Variants in DAO observed in about 807,000 individuals in gnomAD.
DAO encodes D-amino-acid oxidase.
Under a neutral mutation model 50.1 loss-of-function variants are expected in DAO, and 51 were observed. The ratio of observed to expected loss-of-function variants is 1.02; its 90% CI spans 0.81 to 1.29. The LOEUF (loss-of-function observed/expected upper bound fraction) is 1.29. Ranked by LOEUF, DAO falls within the 50% of genes most tolerant of loss-of-function variation. The pLI is 0.00. For missense variants in DAO, 436 were observed against 439.4 expected, an observed-to-expected ratio of 0.99 and a Z score of 0.07; for synonymous variants, 160 against 166.2, an observed-to-expected ratio of 0.96 and a Z score of 0.29.
Position 108,900,572 on chromosome 12 carries a change from C to A in DAO, c.*37C>A. On this transcript the variant is annotated 3_prime_UTR_variant, in exon 11 of 11. Transcript: ENST00000228476. ...ACTGCTGCCTCCCCCCACAAGAACT[C>A]CCTTCTCCCCTCAGCCAATGAATCA... 6.2e-7 allele frequency: 1 copy of A among 1,611,782 alleles called. No homozygotes were observed. Among genetic ancestry groups the A allele is most frequent in the South Asian group, 1.1e-5 (1 of 90,806 alleles).
At position 108,899,312 on chromosome 12, in the gene DAO, A is replaced by G. The variant is rs916294359; in HGVS notation, c.814-65A>G. 22 of 1,152,996 alleles carry G rather than the reference A, an allele frequency of 1.9e-5. No homozygotes were observed. In the African/African-American group the frequency reaches 3.3e-4, roughly 17 times the overall value. The allele number at this position is 1,152,996 out of a possible 1,614,324, so 71.4% of individuals were successfully genotyped here. ...ATGAGATTCTAAAAGCTAACTCCCT[A>G]CTACCTAAAAATGGCAGCAGGAAAA... On this transcript the variant is annotated intron_variant, in intron 9 of 10. Coordinates refer to ENST00000228476, the MANE Select transcript of DAO (RefSeq NM_001917.5).
intron 8 of DAO, 44 bp from the exon 9 acceptor site, chr12:108,898,635 G>A: frequency 7.7e-7 from 1 of 1,302,120 alleles, no homozygotes; most frequent in Non-Finnish European, 1.1e-6. Flanking sequence ...TCATCTCAGA[G>A]CCTTCATTTT....
Position 108,882,711 on chromosome 12 carries a change from C to G in DAO, c.-9-2287C>G, listed in dbSNP as rs1170662746. Among the ~76,000 whole-genome samples, 5 of 152,274 alleles carry G rather than the reference C, an allele frequency of 3.3e-5. No individual in the cohort carries two copies. In the South Asian group the frequency reaches 8.3e-4, roughly 25 times the overall value. On this transcript the variant is annotated intron_variant, in intron 1 of 10. Transcript: ENST00000228476. ...GAGCAACTTGCCCAGGGTTACATGG[C>G]TGGTGTGTGCCCAAGTCAGGCTGCG...
intron 5 of DAO, 113 bp downstream of exon 5, chr12:108,890,386 C>T (rs997851179): frequency 1.5e-5 from 12 of 807,902 alleles, no homozygotes; most frequent in Non-Finnish European, 2.3e-5. Flanking sequence ...TGAAGAATAC[C>T]CTTAGGCCTG....
chr12:108,898,637 CT>C (rs2039587909), intron 8 of DAO, 41 bp from the exon 9 acceptor site: 3 of 1,339,038 alleles, frequency 2.2e-6, no homozygotes. Flanking sequence ...ATCTCAGAGC[CT>C]TCATTTTCCT....
intron 3 of DAO, among the ~76,000 whole-genome samples, chr12:108,888,272 A>AT (rs1343991845): frequency 6.6e-6 from 1 of 152,050 alleles, no homozygotes; most frequent in Non-Finnish European, 1.5e-5. Context: ...CTCAAGGTTC[A>AT]TTCAACCTTT....
chr12:108,884,280 A>C (rs2039410569), intron 1 of DAO, among the ~76,000 whole-genome samples: 1 of 152,202 alleles, frequency 6.6e-6, no homozygotes, highest in Non-Finnish European at 1.5e-5. Context: ...AAATTAAGTC[A>C]CAGCTGTACC....
rs1444778115 is a variant in DAO, at chr12:108,887,422, G to A, written c.195-28G>A. 2.6e-6 allele frequency: 4 copies of A among 1,556,832 alleles called. No homozygotes were observed. The East Asian group carries it at 9.0e-5, about 35-fold the overall frequency. The stretch of plus-strand genomic sequence containing the variant: ...TTTTTTGCCCAGCTCAGGGCATTGG[G>A]TGATCGAACTCTTCATGACCCTTCC... On this transcript the variant is annotated intron_variant, in intron 2 of 10. Transcript: ENST00000228476.
Position 108,885,142 on chromosome 12 carries a change from G to A in DAO, c.136G>A (p.Asp46Asn), listed in dbSNP as rs375063129. Residue 46 changes from aspartate to asparagine, a missense_variant, in exon 2 of 11, where the codon GAC (aspartate) becomes AAC (asparagine). Coordinates refer to ENST00000228476, the MANE Select transcript of DAO (RefSeq NM_001917.5). ...CCGCTTCACCCCACTCACCACCACC[G>A]ACGTGGCTGCCGGCCTCTGGCAGCC... The part of the protein sequence containing the change: ...ADRFTPLTTT[D>N]VAAGLWQPYL... The A allele has an allele frequency of 7.4e-6, 12 of 1,613,326 alleles. No homozygotes were observed. The highest frequency in any genetic ancestry group is 2.7e-5 in the African/African-American group (2 of 75,006).
At chr12:108,895,613 T>TGA (rs765739032) in intron 7 of DAO, among the ~76,000 whole-genome samples, 2 of 146,284 alleles carry the variant, frequency 1.4e-5, no homozygotes, top group Non-Finnish European at 3.0e-5. Flanking sequence ...TGTGTGTGTG[T>TGA]GAGAGTATGT....
intron 6 of DAO, 150 bp from the exon 7 acceptor site, chr12:108,894,113 G>A: frequency 1.5e-6 from 1 of 646,660 alleles, no homozygotes; most frequent in Non-Finnish European, 2.8e-6. Context: ...AAAATTTGAA[G>A]CCAGGCCCCT....
chr12:108,889,078 A>G (rs1203377505), intron 3 of DAO, among the ~76,000 whole-genome samples: 4 of 151,456 alleles, frequency 2.6e-5, no homozygotes, highest in African/African-American at 7.3e-5. Context: ...CCTTATATGC[A>G]CTTAGCATTA....
At position 108,900,383 on chromosome 12, in the gene DAO, C is replaced by G. The variant is rs762262174; in HGVS notation, c.913-21C>G. 7.4e-6 allele frequency: 12 copies of G among 1,613,528 alleles called. 2 individuals are homozygous for G. In the South Asian group the frequency reaches 1.3e-4, roughly 18 times the overall value. ...CACTGTCCCTCTCGGACCTGGCCAC[C>G]TTCTCTCTTGCCTCTCCTAGGTCAT... is the stretch of plus-strand genomic sequence containing the variant. On this transcript the variant is annotated intron_variant, in intron 10 of 10. Coordinates refer to ENST00000228476, the MANE Select transcript of DAO (RefSeq NM_001917.5).
chr12:108,886,844 T>G (rs759687881), intron 2 of DAO, among the ~76,000 whole-genome samples: 16 of 152,202 alleles, frequency 1.1e-4, no homozygotes, highest in African/African-American at 3.9e-4. Flanking sequence ...GCTCCTTCCA[T>G]CTAATGGCTC....
chr12:108,895,402 G>A (rs1417477320), intron 7 of DAO, among the ~76,000 whole-genome samples: 1 of 139,600 alleles, frequency 7.2e-6, no homozygotes, highest in Non-Finnish European at 1.5e-5. Context: ...CATATGTGAG[G>A]GTGTGTGTGC....
chr12:108,881,275 C>G (rs2039374917), intron 1 of DAO, among the ~76,000 whole-genome samples: 1 of 149,744 alleles, frequency 6.7e-6, no homozygotes, highest in African/African-American at 2.5e-5. Context: ...TGATGTAAAA[C>G]AGAGGAGAAC....
At chr12:108,894,083 G>A (rs1205931948) in intron 6 of DAO, among the ~76,000 whole-genome samples, 180 bp from the exon 7 acceptor site, 1 of 152,150 alleles carries the variant, frequency 6.6e-6, no homozygotes, top group Non-Finnish European at 1.5e-5. Flanking sequence ...AAGGTCACAC[G>A]TCAGATAAAT....
At chr12:108,891,295 C>A (rs60742382) in intron 5 of DAO, among the ~76,000 whole-genome samples, 1 of 151,626 alleles carries the variant, frequency 6.6e-6, no homozygotes, top group Admixed American at 6.6e-5. Flanking sequence ...CAGAAAAATT[C>A]AAAAATCAGC....
chr12:108,888,419 T>A (rs1048753217), intron 3 of DAO, among the ~76,000 whole-genome samples: 2 of 151,620 alleles, frequency 1.3e-5, no homozygotes, highest in Non-Finnish European at 1.5e-5. Context: ...CACTGCAACC[T>A]CTGCTTCCTG....
Sources: gnomAD v4.1 joint callset for allele counts (sites outside exome capture counted in the v4.1 genomes callset) on GRCh38, gnomAD v4.1.1 for gene constraint, MANE v1.5 for transcripts, NCBI Gene and HGNC (gene_info 2026-07-23, HGNC 2026-07-21) for gene names.